GRXCR2: variants seen among roughly 807,000 people sequenced by gnomAD.
GRXCR2 encodes glutaredoxin domain-containing cysteine-rich protein 2.
GRXCR2 carries 23 observed loss-of-function variants against 24.8 expected under a neutral mutation model. The observed-to-expected ratio is 0.93, with a 90% CI of 0.67 to 1.32. GRXCR2 has a LOEUF of 1.32. Ranked by LOEUF, GRXCR2 falls within the 40% of genes most tolerant of loss-of-function variation. The probability of loss-of-function intolerance (pLI) is 0.00; values close to 1 mark genes in which losing one functional copy is unlikely to be tolerated. For synonymous variants in GRXCR2, 130 were observed against 116.1 expected, an observed-to-expected ratio of 1.12 and a Z score of -0.77; for missense variants, 315 against 303.4, an observed-to-expected ratio of 1.04 and a Z score of -0.28.
At chr5:145,919,085 G>A (rs1275377476) in intron 2 of GRXCR2, among the ~76,000 whole-genome samples, 2 of 152,070 alleles carry the variant, frequency 1.3e-5, no homozygotes, top group African/African-American at 4.8e-5. Context: ...GTCAAGTCGG[G>A]GCAGACTCCT....
rs140257371 is a variant in GRXCR2, at chr5:145,894,684, A to T, written c.-69-27956T>A. ...AAAGTCCAGGACCGGATGGATTCACAGCCGAATTCTACCAGAAATACAAGG... is the reference window on the plus strand; with the variant it reads ...AAAGTCCAGGACCGGATGGATTCACTGCCGAATTCTACCAGAAATACAAGG... On this transcript the variant is annotated intron_variant, in intron 2 of 3. Coordinates refer to the GRXCR2 transcript ENST00000639411. 6.3e-3 allele frequency among the ~76,000 whole-genome samples: 963 copies of T among 152,370 alleles called. 9 individuals carry two copies. The highest frequency in any genetic ancestry group is 0.022 in the African/African-American group (912 of 41,592).
intron 2 of GRXCR2, among the ~76,000 whole-genome samples, chr5:145,888,913 C>A (rs1247047240): frequency 1.3e-5 from 2 of 152,052 alleles, no homozygotes; most frequent in African/African-American, 4.8e-5. Flanking sequence ...GTGGCTCACG[C>A]CTGTAATCCC....
At chr5:145,898,105 T>G (rs929211044) in intron 2 of GRXCR2, among the ~76,000 whole-genome samples, 52 of 151,860 alleles carry the variant, frequency 3.4e-4, no homozygotes, top group African/African-American at 1.2e-3. Context: ...AATATCCAAA[T>G]AAGCACAATC....
chr5:145,902,546 C>A (rs4913050), intron 2 of GRXCR2, among the ~76,000 whole-genome samples: 22,207 of 152,108 alleles, frequency 0.15, 2,203 homozygotes, highest in African/African-American at 0.26. Context: ...TGTCTCTCTC[C>A]TCTGGAATGA....
intron 2 of GRXCR2, among the ~76,000 whole-genome samples, chr5:145,922,463 T>G (rs376686774): frequency 4.3e-4 from 66 of 152,346 alleles, no homozygotes; most frequent in African/African-American, 1.5e-3. Flanking sequence ...TGATGGTCTA[T>G]TTACTTCTGT....
At chr5:145,888,804 A>G (rs1336438732) in intron 2 of GRXCR2, among the ~76,000 whole-genome samples, 2 of 152,216 alleles carry the variant, frequency 1.3e-5, no homozygotes, top group Non-Finnish European at 2.9e-5. Flanking sequence ...GTGAAGTTAT[A>G]CACTCTGTGT....
At chr5:145,861,163 A>C (rs1756330694) in intron 2 of GRXCR2, among the ~76,000 whole-genome samples, 1 of 151,872 alleles carries the variant, frequency 6.6e-6, no homozygotes, top group Non-Finnish European at 1.5e-5. Flanking sequence ...TTGCCCACTG[A>C]CTCTGGCATG....
At chr5:145,863,316 A>T (rs942551320) in intron 2 of GRXCR2, among the ~76,000 whole-genome samples, 28 of 152,248 alleles carry the variant, frequency 1.8e-4, no homozygotes, top group African/African-American at 6.3e-4. Flanking sequence ...TTGGGCAAAC[A>T]AATAGCAATT....
At chr5:145,864,630 C>G (rs947679603) in intron 2 of GRXCR2, among the ~76,000 whole-genome samples, 20 of 152,160 alleles carry the variant, frequency 1.3e-4, no homozygotes, top group Admixed American at 6.5e-5. Context: ...CTCTCTCTCT[C>G]TCTTTCTCTC....
In GRXCR2 at chr5:145,892,249, G is replaced by A. The variant is rs1756877543; in HGVS notation, c.-69-25521C>T. Among the ~76,000 whole-genome samples the A allele has an allele frequency of 2.0e-5, 3 of 152,226 alleles. No individual in the cohort carries two copies. The South Asian group carries it at 6.2e-4, about 32-fold the overall frequency. ...GCCTCTCCTCCTCCAAAGGAACGCA[G>A]CTCCTCACCAGCAACAGAACAAAGC... On this transcript the variant is annotated intron_variant, in intron 2 of 3. Coordinates refer to the GRXCR2 transcript ENST00000639411.
rs374273252 is a variant in GRXCR2, at chr5:145,926,820, G to A, written c.-70+8881C>T. ...TTGAATCTATAAATTACCTTGGGCA[G>A]TATGGCCATTTTCACAATATTGATT... On this transcript the variant is annotated intron_variant, in intron 2 of 3. Transcript: ENST00000639411. Among the ~76,000 whole-genome samples the A allele has an allele frequency of 6.8e-4, 103 of 152,302 alleles. 3 individuals are homozygous for A. In the South Asian group the frequency reaches 0.017, roughly 25 times the overall value.
rs1305913124 is a variant in GRXCR2, at chr5:145,872,849, C to CTGCCCA, written c.114_119dup (p.Gly39_Gln40insHisGly). On this transcript the variant is annotated inframe_insertion, in exon 1 of 3. Transcript: ENST00000377976. Reference sequence around the variant, plus strand: ...ATTCCTCCTTTGGTGACTCTAATTCCTGCCCATCCTCAAAGACCTGCTTCA... The same window carrying CTGCCCA: ...ATTCCTCCTTTGGTGACTCTAATTCCTGCCCATGCCCATCCTCAAAGACCTGCTTCA... The CTGCCCA allele has an allele frequency of 1.2e-6, 2 of 1,614,046 alleles. No individual in the cohort carries two copies. Among genetic ancestry groups the CTGCCCA allele is most frequent in the Non-Finnish European group, 1.7e-6 (2 of 1,180,028 alleles).
At chr5:145,874,490 C>T (rs544587159), upstream of GRXCR2, among the ~76,000 whole-genome samples, 7 of 152,320 alleles carry the variant, frequency 4.6e-5, no homozygotes, top group South Asian at 8.3e-4. Context: ...GCATGAGCCA[C>T]CGCACCCAGC....
chr5:145,884,734 T>C (rs1394164999), intron 2 of GRXCR2, among the ~76,000 whole-genome samples: 1 of 152,210 alleles, frequency 6.6e-6, no homozygotes. Flanking sequence ...ATTATGCTCT[T>C]TTAAAAAATT....
chr5:145,931,493 C>T (rs1757477402), intron 2 of GRXCR2, among the ~76,000 whole-genome samples: 1 of 152,186 alleles, frequency 6.6e-6, no homozygotes, highest in African/African-American at 2.4e-5. Context: ...AAGTACACTC[C>T]TCACCTGCAA....
chr5:145,922,137 C>T (rs745854564), intron 2 of GRXCR2, among the ~76,000 whole-genome samples: 12 of 152,146 alleles, frequency 7.9e-5, no homozygotes, highest in African/African-American at 2.7e-4. Flanking sequence ...TGTGATCATG[C>T]GGCTGCCCAT....
In GRXCR2 at chr5:145,928,520, T is replaced by C. The variant is rs1261210257; in HGVS notation, c.-70+7181A>G. Among the ~76,000 whole-genome samples, 4 of 152,044 alleles carry C rather than the reference T, an allele frequency of 2.6e-5. 1 individual carries two copies. Among genetic ancestry groups the C allele is most frequent in the African/African-American group, 4.8e-5 (2 of 41,386 alleles). ...AACCAAGTCAAATGTCCAAAAATGATAGACTGGATTAAGAAAATGTGGCAC... is the reference window on the plus strand; with the variant it reads ...AACCAAGTCAAATGTCCAAAAATGACAGACTGGATTAAGAAAATGTGGCAC... On this transcript the variant is annotated intron_variant, in intron 2 of 3. Coordinates refer to the GRXCR2 transcript ENST00000639411.
intron 2 of GRXCR2, among the ~76,000 whole-genome samples, chr5:145,885,455 C>T (rs769629987): frequency 1.3e-5 from 2 of 152,238 alleles, no homozygotes; most frequent in Admixed American, 6.5e-5. Flanking sequence ...GCTTGTTCCA[C>T]GTTTCTCCCT....
rs542362911 is a variant in GRXCR2, at chr5:145,928,198, A to G, written c.-70+7503T>C. Among the ~76,000 whole-genome samples, 365 of 152,030 alleles carry G rather than the reference A, an allele frequency of 2.4e-3. 2 individuals carry two copies. The highest frequency in any genetic ancestry group is 8.6e-3 in the African/African-American group (358 of 41,500). On this transcript the variant is annotated intron_variant, in intron 2 of 3. Coordinates refer to the GRXCR2 transcript ENST00000639411. ...CAGAGAAATGCAAATCAAAACCACA[A>G]TGAGATACCATCTCACACCAGTTAG...
Sources: allele counts gnomAD v4.1 joint callset (sites outside exome capture counted in the v4.1 genomes callset), GRCh38; gene constraint gnomAD v4.1.1; transcripts MANE v1.5; gene names NCBI Gene and HGNC (gene_info 2026-07-23, HGNC 2026-07-21).